Variants in TRAM2 observed in about 807,000 individuals in gnomAD.
TRAM2 encodes translocation associated membrane protein 2, also known as translocating chain-associated membrane protein 2.
A neutral mutation model predicts 51.0 loss-of-function variants in TRAM2; 12 were observed. The ratio of observed to expected loss-of-function variants is 0.24; its 90% CI spans 0.15 to 0.38. The LOEUF (loss-of-function observed/expected upper bound fraction) is 0.38, where lower values mean the gene tolerates loss of function less well. TRAM2 is among the 10% of genes least tolerant of loss of function. TRAM2 has a pLI of 1.00. For synonymous variants in TRAM2, 175 were observed against 179.4 expected, an observed-to-expected ratio of 0.98 and a Z score of 0.20; for missense variants, 361 against 462.0, an observed-to-expected ratio of 0.78 and a Z score of 2.00.
rs2114058842 is a variant in TRAM2, at chr6:52,504,607, G to A, written c.1023C>T (p.Leu341=). 1.2e-6 allele frequency: 2 copies of A among 1,614,170 alleles called. No homozygotes were observed. The highest frequency in any genetic ancestry group is 1.1e-5 in the South Asian group (1 of 91,076). Residue 341 remains leucine (L), a synonymous_variant, in exon 10 of 11, where the codon CTC becomes CTT. Coordinates refer to ENST00000182527, the MANE Select transcript of TRAM2 (RefSeq NM_012288.4). The part of the protein sequence containing the change: ...VPATPRLPAR[L]IKRESGYHEN... ...GGCACTCACCAGATTCCCTCTTGAT[G>A]AGCCTGGCTGGTAGTCTGGGTGTGG...
rs566342235 is a variant in TRAM2, at chr6:52,574,656, G to C, written c.120+2140C>G. Among the ~76,000 whole-genome samples the C allele has an allele frequency of 2.0e-5, 3 of 152,332 alleles. No homozygotes were observed. In the East Asian group the frequency reaches 5.8e-4, roughly 29 times the overall value. ...CTACACTCCCCAATACAAGCCTAAGGGGGAGGAAGAGTAGTTTTGTTTGTT... is the reference window on the plus strand; with the variant it reads ...CTACACTCCCCAATACAAGCCTAAGCGGGAGGAAGAGTAGTTTTGTTTGTT... On this transcript the variant is annotated intron_variant, in intron 1 of 10. Transcript: ENST00000182527.
At chr6:52,509,416 G>C in intron 5 of TRAM2, 112 bp downstream of exon 5, 3 of 991,540 alleles carry the variant, frequency 3.0e-6, no homozygotes, top group Non-Finnish European at 4.7e-6. Flanking sequence ...CTCAGGGCAT[G>C]ATCTGCTCGT....
At position 52,502,945 on chromosome 6, in the gene TRAM2, G is replaced by A; in HGVS notation, c.*252C>T. The A allele has an allele frequency of 3.5e-6, 2 of 571,476 alleles. No individual in the cohort carries two copies. The highest frequency in any genetic ancestry group is 3.1e-5 in the Admixed American group (1 of 32,764). The allele number at this position is 571,476 out of a possible 1,614,324, so 35.4% of individuals were successfully genotyped here. The stretch of plus-strand genomic sequence containing the variant: ...TTCCAGAAAAGCCAGCACAGGACAG[G>A]AGTGAGGACAGGAGGTGGCCTGAGG... On this transcript the variant is annotated 3_prime_UTR_variant, in exon 11 of 11. Transcript: ENST00000182527.
intron 1 of TRAM2, among the ~76,000 whole-genome samples, chr6:52,557,171 A>C (rs113664869): frequency 0.19 from 27,865 of 147,576 alleles, 3,632 homozygotes; most frequent in Non-Finnish European, 0.28. Context: ...CCAGCCTGGG[A>C]GACAAAGCAA....
chr6:52,528,666 G>A (rs537871260), intron 2 of TRAM2, among the ~76,000 whole-genome samples: 2 of 152,268 alleles, frequency 1.3e-5, no homozygotes, highest in East Asian at 3.9e-4. Context: ...ATCTCTGGCT[G>A]CAAAATGCAA....
chr6:52,561,084 A>C (rs1767491102), intron 1 of TRAM2, among the ~76,000 whole-genome samples: 1 of 152,242 alleles, frequency 6.6e-6, no homozygotes, highest in African/African-American at 2.4e-5. Context: ...TACATGCTAC[A>C]GCATAGATGA....
intron 2 of TRAM2, among the ~76,000 whole-genome samples, chr6:52,530,084 C>G (rs1766858219): frequency 6.6e-6 from 1 of 152,170 alleles, no homozygotes; most frequent in Non-Finnish European, 1.5e-5. Context: ...ATAATGCTAT[C>G]TCATACATAA....
intron 2 of TRAM2, among the ~76,000 whole-genome samples, chr6:52,531,538 GAATTC>G (rs1219804390): frequency 1.4e-4 from 22 of 152,346 alleles, no homozygotes; most frequent in Non-Finnish European, 2.6e-4. Context: ...TCCAGGAGCA[GAATTC>G]AATAGTGCCA....
At chr6:52,562,994 T>A (rs545616234) in intron 1 of TRAM2, among the ~76,000 whole-genome samples, 1 of 152,358 alleles carries the variant, frequency 6.6e-6, no homozygotes, top group African/African-American at 2.4e-5. Context: ...AAAATACAAA[T>A]GCAGTTAACG....
intron 1 of TRAM2, among the ~76,000 whole-genome samples, chr6:52,558,961 CAG>C (rs146494416): frequency 0.019 from 2,872 of 152,002 alleles, 46 homozygotes; most frequent in Non-Finnish European, 0.033. Context: ...TATTTATTAA[CAG>C]AGAGAGAGAG....
chr6:52,540,312 G>A (rs781671992), intron 1 of TRAM2, among the ~76,000 whole-genome samples: 1 of 151,876 alleles, frequency 6.6e-6, no homozygotes, highest in Non-Finnish European at 1.5e-5. Flanking sequence ...ACTGCACATA[G>A]AATAGAATGG....
chr6:52,517,245 T>C (rs1036547112), intron 2 of TRAM2: 1 of 153,180 alleles, frequency 6.5e-6, no homozygotes, highest in Admixed American at 6.5e-5. Flanking sequence ...GGTATCTCCA[T>C]GTGTGACTTT....
At chr6:52,572,857 CAG>C (rs1353597247) in intron 1 of TRAM2, among the ~76,000 whole-genome samples, 2 of 152,182 alleles carry the variant, frequency 1.3e-5, no homozygotes, top group Non-Finnish European at 2.9e-5. Flanking sequence ...ACAAGTCAAT[CAG>C]TGTCAGGAGC....
At chr6:52,521,565 CG>C (rs1212517232) in intron 2 of TRAM2, among the ~76,000 whole-genome samples, 57 of 151,792 alleles carry the variant, frequency 3.8e-4, no homozygotes, top group African/African-American at 9.9e-4. Context: ...GGCGTGGTGG[CG>C]GGCACCTGTA....
chr6:52,569,982 T>C (rs1221866071), intron 1 of TRAM2, among the ~76,000 whole-genome samples: 3 of 152,212 alleles, frequency 2.0e-5, no homozygotes, highest in Admixed American at 6.5e-5. Context: ...AGCCCCCGTT[T>C]TGCCAAAAAT....
At chr6:52,566,597 C>T (rs1233606949) in intron 1 of TRAM2, among the ~76,000 whole-genome samples, 2 of 152,160 alleles carry the variant, frequency 1.3e-5, no homozygotes, top group South Asian at 2.1e-4. Flanking sequence ...CTCAACTCCA[C>T]GGCAGGACCT....
chr6:52,497,839 G>A lies in TRAM2; in HGVS notation c.*5358C>T, dbSNP rs3804498. ...AGGAAACAGCGGTATTATATTTACT[G>A]TCACAGCTAGACCCTATCAGGTGAA... On this transcript the variant is annotated 3_prime_UTR_variant, in exon 11 of 11. Transcript: ENST00000182527. 0.065 allele frequency: 9,964 copies of A among 152,350 alleles called. 372 individuals carry two copies. Among genetic ancestry groups the A allele is most frequent in the African/African-American group, 0.091 (3,786 of 41,528 alleles). The allele number at this position is 152,350 out of a possible 1,614,324, so 9.4% of individuals were successfully genotyped here.
chr6:52,528,875 C>T (rs886786621), intron 2 of TRAM2, among the ~76,000 whole-genome samples: 8 of 149,142 alleles, frequency 5.4e-5, no homozygotes, highest in Non-Finnish European at 8.9e-5. Context: ...GCCTTACAAA[C>T]GTGTACATGA....
At chr6:52,506,871 G>A (rs1192179487) in intron 7 of TRAM2, among the ~76,000 whole-genome samples, 1 of 152,168 alleles carries the variant, frequency 6.6e-6, no homozygotes, top group Non-Finnish European at 1.5e-5. Flanking sequence ...CTAGTCCAAC[G>A]CACCTCGGGA....
Sources: gnomAD v4.1 joint callset for allele counts (sites outside exome capture counted in the v4.1 genomes callset) on GRCh38, gnomAD v4.1.1 for gene constraint, MANE v1.5 for transcripts, NCBI Gene and HGNC (gene_info 2026-07-23, HGNC 2026-07-21) for gene names.